The following RGSL1 variants were observed in gnomAD, a reference collection of about 807,000 sequenced individuals.
RGSL1 encodes the protein regulator of G protein signaling like 1, also known as regulator of G protein signaling protein-like.
Under a neutral mutation model 124.7 loss-of-function variants are expected in RGSL1, and 97 were observed. The observed-to-expected ratio is 0.78, with a 90% CI of 0.66 to 0.92. The LOEUF is 0.92. Among genes scored for constraint, RGSL1 ranks in the 40% least tolerant of loss-of-function variants. The pLI is 0.00. For synonymous variants in RGSL1, 424 were observed against 438.1 expected (o/e 0.97, Z 0.40); for missense variants, 1,233 against 1,288.4 (o/e 0.96, Z 0.66).
intron 18 of RGSL1, among the ~76,000 whole-genome samples, chr1:182,552,160 C>T (rs1660602540): frequency 6.6e-6 from 1 of 151,438 alleles, no homozygotes; most frequent in Non-Finnish European, 1.5e-5. Context: ...GTGGCCCAGG[C>T]TGGAGTGCAG....
Position 182,454,052 on chromosome 1 carries a change from C to T in RGSL1, c.96+12C>T, listed in dbSNP as rs1346969645. On this transcript the variant is annotated intron_variant, in intron 2 of 21. Coordinates refer to ENST00000294854, the MANE Select transcript of RGSL1 (RefSeq NM_001137669.2). ...TTCTTTCCCTCCCGGTAAGCATTCT[C>T]AGATTTAAATACAAATATTTCATCA... 6.9e-7 allele frequency: 1 copy of T among 1,444,038 alleles called. No homozygotes were observed. The highest frequency in any genetic ancestry group is 9.5e-7 in the Non-Finnish European group (1 of 1,049,174). The allele number at this position is 1,444,038 out of a possible 1,614,324, so 89.5% of individuals were successfully genotyped here. A position where few individuals can be genotyped will look rare whatever the true frequency, so the allele number is the denominator to read the frequency against.
In RGSL1 at chr1:182,488,961, C is replaced by G. The variant is rs1372361821; in HGVS notation, c.1495-19C>G. The G allele has an allele frequency of 1.3e-6, 2 of 1,542,926 alleles. No individual in the cohort carries two copies. Among genetic ancestry groups the G allele is most frequent in the Admixed American group, 3.9e-5 (2 of 50,716 alleles). ...GTTCCTGTAACAAATGCCATCTTCCCCTCACCCTCTTCTCTTAGACACAGA... is the reference window on the plus strand; with the variant it reads ...GTTCCTGTAACAAATGCCATCTTCCGCTCACCCTCTTCTCTTAGACACAGA... On this transcript the variant is annotated intron_variant, in intron 7 of 21. Transcript: ENST00000294854.
At chr1:182,542,976 T>C (rs943214863) in intron 15 of RGSL1, among the ~76,000 whole-genome samples, 3 of 152,160 alleles carry the variant, frequency 2.0e-5, no homozygotes, top group Non-Finnish European at 4.4e-5. Context: ...TTTCTAAAGA[T>C]AAGATTATGT....
At chr1:182,491,848 G>A (rs977946749) in intron 8 of RGSL1, among the ~76,000 whole-genome samples, 1 of 152,008 alleles carries the variant, frequency 6.6e-6, no homozygotes, top group South Asian at 2.1e-4. Flanking sequence ...CAACCCAAAT[G>A]AATACTTCTC....
At position 182,527,666 on chromosome 1, in the gene RGSL1, A is replaced by G. The variant is rs894932780; in HGVS notation, c.2019A>G (p.Gln673=). 6.4e-7 allele frequency: 1 copy of G among 1,551,604 alleles called. No individual in the cohort carries two copies. Among genetic ancestry groups the G allele is most frequent in the Admixed American group, 2.0e-5 (1 of 50,998 alleles). The change falls in exon 11 of 22, where the codon CAA becomes CAG. Residue 673 remains glutamine, a synonymous_variant. Transcript: ENST00000294854. ...LKERKAKIPL[Q]FLTAVQKISI... is the part of the protein sequence containing the mutation. ...AACGGAAGGCTAAAATCCCATTGCAATTTCTCACAGCTGTACAGAAGATCA... is the reference window on the plus strand; with the variant it reads ...AACGGAAGGCTAAAATCCCATTGCAGTTTCTCACAGCTGTACAGAAGATCA...
At chr1:182,480,389 CT>C (rs1359896133) in intron 6 of RGSL1, among the ~76,000 whole-genome samples, 2 of 151,966 alleles carry the variant, frequency 1.3e-5, no homozygotes, top group Non-Finnish European at 2.9e-5. Context: ...TGTGATCATA[CT>C]ACTTCAATCC....
chr1:182,530,625 C>A (rs187663997), intron 12 of RGSL1, among the ~76,000 whole-genome samples, 165 bp from the exon 13 acceptor site: 164 of 152,000 alleles, frequency 1.1e-3, no homozygotes, highest in African/African-American at 3.6e-3. Flanking sequence ...GTTAGGTTGA[C>A]ATTAACAAAG....
At chr1:182,551,341 G>A (rs1660552386) in intron 18 of RGSL1, 132 bp downstream of exon 18, 1 of 690,350 alleles carries the variant, frequency 1.4e-6, no homozygotes, top group Non-Finnish European at 2.5e-6. Flanking sequence ...TCATTTACTT[G>A]GCCCTCAGGG....
intron 6 of RGSL1, among the ~76,000 whole-genome samples, chr1:182,480,470 T>C (rs1243601816): frequency 6.6e-6 from 1 of 151,926 alleles, no homozygotes; most frequent in East Asian, 1.9e-4. Context: ...GTTTTTTTTT[T>C]TTTTTGACAG....
chr1:182,466,946 G>T (rs1653385755), intron 4 of RGSL1, among the ~76,000 whole-genome samples: 1 of 151,982 alleles, frequency 6.6e-6, no homozygotes, highest in Non-Finnish European at 1.5e-5. Context: ...AACACAGTGT[G>T]GTGCAAGCAT....
At chr1:182,505,224 C>T (rs1379662451) in intron 9 of RGSL1, among the ~76,000 whole-genome samples, 1 of 152,088 alleles carries the variant, frequency 6.6e-6, no homozygotes, top group Non-Finnish European at 1.5e-5. Context: ...AAGGCTAGTC[C>T]TTGTGTCAGT....
chr1:182,489,925 G>C (rs887459371), intron 8 of RGSL1, among the ~76,000 whole-genome samples: 1 of 152,104 alleles, frequency 6.6e-6, no homozygotes, highest in African/African-American at 2.4e-5. Context: ...TGAGCATAGT[G>C]CTTTAATTAT....
intron 9 of RGSL1, among the ~76,000 whole-genome samples, chr1:182,510,838 T>G (rs1440309180): frequency 6.6e-6 from 1 of 152,232 alleles, no homozygotes; most frequent in Non-Finnish European, 1.5e-5. Context: ...GAATCCCTTT[T>G]CAGGTGGATA....
chr1:182,523,310 A>C (rs1436361189), intron 10 of RGSL1, among the ~76,000 whole-genome samples: 2 of 150,860 alleles, frequency 1.3e-5, no homozygotes, highest in African/African-American at 4.9e-5. Context: ...CAAAGTGCTG[A>C]GATTACAGGC....
intron 9 of RGSL1, among the ~76,000 whole-genome samples, chr1:182,511,691 T>G (rs911036685): frequency 2.6e-5 from 4 of 152,150 alleles, no homozygotes; most frequent in African/African-American, 9.7e-5. Context: ...ATGCTTTTAG[T>G]TTTGTCCTTT....
intron 20 of RGSL1, 98 bp downstream of exon 20, chr1:182,554,791 C>A (rs1660769399): frequency 2.6e-6 from 3 of 1,155,174 alleles, no homozygotes; most frequent in Non-Finnish European, 3.8e-6. Context: ...TAGCCTCATA[C>A]CCTGCCTCTC....
In RGSL1 at chr1:182,493,023, C is replaced by T. The variant is rs371759987; in HGVS notation, c.1719C>T (p.Asp573=). Residue 573 remains aspartate, a splice_region_variant and synonymous_variant, in exon 9 of 22, where the codon GAC becomes GAT. Coordinates refer to ENST00000294854, the MANE Select transcript of RGSL1 (RefSeq NM_001137669.2). ...TCTCTGTTTTTCCTTACTTCACAGA[C>T]ATAACTAAAATGTCCTTTGAGGAGC... is the stretch of plus-strand genomic sequence containing the variant. ...VELTSPVFLT[D]ITKMSFEELC... 1 of 1,543,306 alleles carries T rather than the reference C, an allele frequency of 6.5e-7. No homozygotes were observed.
chr1:182,505,224 CT>C (rs34114725), intron 9 of RGSL1, among the ~76,000 whole-genome samples: 20,912 of 152,162 alleles, frequency 0.14, 1,761 homozygotes, highest in East Asian at 0.38. Flanking sequence ...AAGGCTAGTC[CT>C]TGTGTCAGTT....
chr1:182,522,137 C>T, intron 10 of RGSL1, 28 bp downstream of exon 10: 4 of 1,441,108 alleles, frequency 2.8e-6, no homozygotes, highest in Non-Finnish European at 3.8e-6. Flanking sequence ...TTTACAGCAA[C>T]ATCTTCAGGT....
Sources: allele counts gnomAD v4.1 joint callset (sites outside exome capture counted in the v4.1 genomes callset), GRCh38; gene constraint gnomAD v4.1.1; transcripts MANE v1.5; gene names NCBI Gene and HGNC (gene_info 2026-07-23, HGNC 2026-07-21).